Variants in ASIC2 observed in about 807,000 individuals in gnomAD.
ASIC2 encodes acid sensing ion channel subunit 2.
In ASIC2, 25 loss-of-function variants were observed where a neutral mutation model predicts 57.3. The observed-to-expected ratio is 0.44, with a 90% confidence interval of 0.32 to 0.61. The LOEUF (loss-of-function observed/expected upper bound fraction) is 0.61, where lower values mean the gene tolerates loss of function less well. ASIC2 is among the 20% of genes least tolerant of loss of function. The probability of loss-of-function intolerance (pLI) is 0.06; values close to 1 mark genes in which losing one functional copy is unlikely to be tolerated. For missense variants in ASIC2, 641 were observed against 738.1 expected (o/e 0.87, Z 1.52); for synonymous variants, 319 against 307.5 (o/e 1.04, Z -0.39).
chr17:34,050,640 C>G (rs945821238), intron 1 of ASIC2, among the ~76,000 whole-genome samples: 2 of 152,154 alleles, frequency 1.3e-5, no homozygotes, highest in Non-Finnish European at 2.9e-5. Flanking sequence ...CATTGAACAT[C>G]TACTCTGTGC....
At chr17:33,432,240 G>T (rs1189641986) in intron 1 of ASIC2, among the ~76,000 whole-genome samples, 1 of 152,202 alleles carries the variant, frequency 6.6e-6, no homozygotes, top group Non-Finnish European at 1.5e-5. Context: ...TAATGGCCAG[G>T]TGTGGCGGCT....
At chr17:33,527,016 G>C (rs1477457949) in intron 1 of ASIC2, among the ~76,000 whole-genome samples, 2 of 152,200 alleles carry the variant, frequency 1.3e-5, no homozygotes, top group East Asian at 3.9e-4. Context: ...GGGTGATGCT[G>C]GGCTGGCTCA....
At chr17:33,215,424 T>C (rs934687038) in intron 1 of ASIC2, among the ~76,000 whole-genome samples, 14 of 152,256 alleles carry the variant, frequency 9.2e-5, no homozygotes, top group Non-Finnish European at 1.9e-4. Context: ...GAATGAGTTG[T>C]AATTTATGAA....
intron 1 of ASIC2, among the ~76,000 whole-genome samples, chr17:34,089,565 A>G (rs1364160458): frequency 6.6e-6 from 1 of 152,162 alleles, no homozygotes; most frequent in Non-Finnish European, 1.5e-5. Context: ...GCTTTGTTAG[A>G]AAAAGGAACT....
intron 1 of ASIC2, among the ~76,000 whole-genome samples, chr17:33,689,535 AC>A (rs1338419477): frequency 6.6e-6 from 1 of 151,906 alleles, no homozygotes; most frequent in African/African-American, 2.4e-5. Context: ...CTCCACTTCT[AC>A]CCCTGCCCTG....
intron 1 of ASIC2, among the ~76,000 whole-genome samples, chr17:33,735,262 T>C (rs1909876581): frequency 6.6e-6 from 1 of 152,190 alleles, no homozygotes; most frequent in African/African-American, 2.4e-5. Flanking sequence ...AGAAAGTTTG[T>C]TCCCTGCTCT....
At chr17:33,523,078 C>T (rs1006014238) in intron 1 of ASIC2, among the ~76,000 whole-genome samples, 7 of 152,206 alleles carry the variant, frequency 4.6e-5, no homozygotes, top group African/African-American at 1.7e-4. Flanking sequence ...TTTGCAGATT[C>T]TTCTGTCTTA....
In ASIC2 at chr17:34,075,589, C is replaced by A. The variant is rs559847754; in HGVS notation, c.555+80389G>T. Among the ~76,000 whole-genome samples the A allele has an allele frequency of 2.6e-5, 4 of 152,252 alleles. No individual in the cohort carries two copies. The East Asian group carries it at 7.7e-4, about 29-fold the overall frequency. On this transcript the variant is annotated intron_variant, in intron 1 of 9. Coordinates refer to the ASIC2 transcript ENST00000359872. Reference sequence around the variant, plus strand: ...AAAACCATTAGCCTTTCCTGACTCCCTGCAGTACATATGGCACCACATGAA... The same window carrying A: ...AAAACCATTAGCCTTTCCTGACTCCATGCAGTACATATGGCACCACATGAA...
chr17:33,153,196 G>T (rs1309068655), intron 1 of ASIC2, among the ~76,000 whole-genome samples: 1 of 152,224 alleles, frequency 6.6e-6, no homozygotes, highest in Non-Finnish European at 1.5e-5. Flanking sequence ...CCAGGTGGGG[G>T]TAGAGCCAGC....
intron 1 of ASIC2, among the ~76,000 whole-genome samples, chr17:33,121,170 G>A (rs188844600): frequency 5.3e-5 from 8 of 152,376 alleles, no homozygotes; most frequent in African/African-American, 1.9e-4. Flanking sequence ...GAGGAAGAGA[G>A]TTGCTATTTG....
At chr17:33,467,362 T>G (rs1912901576) in intron 1 of ASIC2, among the ~76,000 whole-genome samples, 1 of 152,212 alleles carries the variant, frequency 6.6e-6, no homozygotes, top group Non-Finnish European at 1.5e-5. Context: ...TGAGCTGTCT[T>G]GGGGTAGGTT....
intron 1 of ASIC2, among the ~76,000 whole-genome samples, chr17:33,605,123 T>C (rs1905198835): frequency 6.6e-6 from 1 of 152,210 alleles, no homozygotes; most frequent in South Asian, 2.1e-4. Context: ...TAGCTGCATG[T>C]TCTCATAATT....
chr17:34,122,003 G>GC (rs55959350), intron 1 of ASIC2, among the ~76,000 whole-genome samples: 152,367 of 152,368 alleles, frequency 1, 76,183 homozygotes, highest in Non-Finnish European at 1. Context: ...GGCACTCAGT[G>GC]CTTTGCTGCA....
intron 1 of ASIC2, among the ~76,000 whole-genome samples, chr17:33,926,613 C>T (rs1915826743): frequency 6.6e-6 from 1 of 152,202 alleles, no homozygotes; most frequent in African/African-American, 2.4e-5. Context: ...TTATTCCTGA[C>T]TCTGAATTTT....
At chr17:33,398,151 T>G (rs935770354) in intron 1 of ASIC2, among the ~76,000 whole-genome samples, 5 of 152,244 alleles carry the variant, frequency 3.3e-5, no homozygotes, top group African/African-American at 1.2e-4. Flanking sequence ...TATAGTTTAC[T>G]TATATACTGT....
chr17:33,508,986 C>T (rs117864937), intron 1 of ASIC2, among the ~76,000 whole-genome samples: 175 of 152,304 alleles, frequency 1.1e-3, no homozygotes, highest in Middle Eastern at 3.4e-3. Context: ...CCTTTACTCA[C>T]GTTTGGGGAT....
In ASIC2 at chr17:33,013,975, A is replaced by G. The variant is rs1332886639; in HGVS notation, c.1682T>C (p.Ile561Thr). The change falls in exon 10 of 10, where the codon ATT becomes ACT. Residue 561 changes from isoleucine to threonine, a missense_variant. Coordinates refer to ENST00000225823, the MANE Select transcript of ASIC2 (RefSeq NM_183377.2). ...GTGACTCGAGGGGTGTCAGCAGGCA[A>G]TCTCCTCCAAGGTCCCCAGGGTCGT... ...LQTTLGTLEE[I>T]AC 2 of 1,593,012 alleles carry G rather than the reference A, an allele frequency of 1.3e-6. No homozygotes were observed. Among genetic ancestry groups the G allele is most frequent in the East Asian group, 2.3e-5 (1 of 43,842 alleles).
intron 1 of ASIC2, among the ~76,000 whole-genome samples, chr17:33,402,762 C>T (rs1313809775): frequency 1.3e-5 from 2 of 152,082 alleles, no homozygotes; most frequent in African/African-American, 4.8e-5. Flanking sequence ...GTGTACGTAT[C>T]TTTATAATAG....
At chr17:33,111,769 G>T in intron 2 of ASIC2, 148 bp downstream of exon 2, 2 of 1,173,296 alleles carry the variant, frequency 1.7e-6, no homozygotes. Context: ...CCAAGCCAGG[G>T]ACATCTTTAT....
Sources: allele counts gnomAD v4.1 joint callset (sites outside exome capture counted in the v4.1 genomes callset), GRCh38; gene constraint gnomAD v4.1.1; transcripts MANE v1.5; gene names NCBI Gene and HGNC (gene_info 2026-07-23, HGNC 2026-07-21).